The following TIGAR variants were observed in gnomAD, a reference collection of about 807,000 sequenced individuals.
The protein encoded by TIGAR is fructose-2,6-bisphosphatase TIGAR.
TIGAR carries 7 observed loss-of-function variants against 17.9 expected under a neutral mutation model. The observed-to-expected ratio is 0.39, with a 90% CI of 0.22 to 0.73. TIGAR has a LOEUF of 0.73. Among genes scored for constraint, TIGAR ranks in the 30% least tolerant of loss-of-function variants. The pLI is 0.42. For synonymous variants in TIGAR, 94 were observed against 108.6 expected (o/e 0.87, Z 0.84); for missense variants, 258 against 327.4 (o/e 0.79, Z 1.64).
chr12:4,325,202 A>G (rs1362258871), intron 1 of TIGAR, among the ~76,000 whole-genome samples: 1 of 151,930 alleles, frequency 6.6e-6, no homozygotes, highest in East Asian at 1.9e-4. Context: ...TCGGCCTCCC[A>G]AAGTGTTGGG....
intron 2 of TIGAR, among the ~76,000 whole-genome samples, chr12:4,335,899 A>G (rs1294407134): frequency 6.6e-6 from 1 of 152,164 alleles, no homozygotes; most frequent in South Asian, 2.1e-4. Flanking sequence ...GCCCCCAGCA[A>G]TCCTGATTTT....
At chr12:4,330,876 T>A (rs910865780) in intron 1 of TIGAR, among the ~76,000 whole-genome samples, 4 of 152,210 alleles carry the variant, frequency 2.6e-5, no homozygotes, top group Middle Eastern at 3.2e-3. Flanking sequence ...TCTCTTTCAC[T>A]TGCTCATTCA....
Position 4,321,324 on chromosome 12 carries a change from ATG to A in TIGAR, c.32+23_32+24del. On this transcript the variant is annotated intron_variant, in intron 1 of 5. Coordinates refer to ENST00000179259, the MANE Select transcript of TIGAR (RefSeq NM_020375.3). The surrounding 1 kb of genome is among the most constrained non-coding windows in gnomAD (Gnocchi z 5.2). ...CGGCAGTGAGTATGGCTGTGGCAGG[ATG>A]TCTTTCTCTCTCTCTTCCTTGAGTG... 1 of 1,600,370 alleles carries A rather than the reference ATG, an allele frequency of 6.2e-7. No individual in the cohort carries two copies. The highest frequency in any genetic ancestry group is 8.5e-7 in the Non-Finnish European group (1 of 1,179,632).
intron 3 of TIGAR, among the ~76,000 whole-genome samples, chr12:4,337,900 G>A (rs7975635): frequency 0.013 from 1,987 of 152,314 alleles, 20 homozygotes; most frequent in Admixed American, 0.023. Flanking sequence ...GGAGGCCGAG[G>A]CAGGTGGATC....
Position 4,352,771 on chromosome 12 carries a change from T to C in TIGAR, c.*80T>C. On this transcript the variant is annotated 3_prime_UTR_variant, in exon 6 of 6. Coordinates refer to ENST00000179259, the MANE Select transcript of TIGAR (RefSeq NM_020375.3). ...GGCTTTATTTACTTCTCTCCTCTGC[T>C]AGTTCTGATTTGGAAACAGTTAAAA... 2 of 1,403,124 alleles carry C rather than the reference T, an allele frequency of 1.4e-6. No homozygotes were observed. Among genetic ancestry groups the C allele is most frequent in the Non-Finnish European group, 9.5e-7 (1 of 1,050,578 alleles). 86.9% of individuals were successfully genotyped at this position (1,403,124 alleles called of 1,614,324 possible). A position where few individuals can be genotyped will look rare whatever the true frequency, so the allele number is the denominator to read the frequency against.
At position 4,357,793 on chromosome 12, in the gene TIGAR, T is replaced by G. The variant is rs1435325362; in HGVS notation, c.*5102T>G. ...TTCAGGTTCAAGGCCTGGTTCTTAG[T>G]AATTTTGTGACCAAGCAATCGCTGA... is the stretch of plus-strand genomic sequence containing the variant. On this transcript the variant is annotated 3_prime_UTR_variant, in exon 6 of 6. Coordinates refer to ENST00000179259, the MANE Select transcript of TIGAR (RefSeq NM_020375.3). Among the ~76,000 whole-genome samples, 1 of 152,142 alleles carries G rather than the reference T, an allele frequency of 6.6e-6. No homozygotes were observed. Among genetic ancestry groups the G allele is most frequent in the Non-Finnish European group, 1.5e-5 (1 of 68,012 alleles).
At chr12:4,333,878 G>A (rs754854141) in intron 2 of TIGAR, among the ~76,000 whole-genome samples, 5 of 152,202 alleles carry the variant, frequency 3.3e-5, no homozygotes, top group Non-Finnish European at 5.9e-5. Flanking sequence ...GGGATTACAG[G>A]CGTGAGCCAC....
chr12:4,338,777 A>G (rs1864686891), intron 3 of TIGAR, among the ~76,000 whole-genome samples: 1 of 152,128 alleles, frequency 6.6e-6, no homozygotes, highest in African/African-American at 2.4e-5. Flanking sequence ...CAGGAGTTCA[A>G]GACCAGCCTG....
intron 2 of TIGAR, among the ~76,000 whole-genome samples, chr12:4,336,683 G>T: frequency 6.6e-6 from 1 of 152,164 alleles, no homozygotes; most frequent in South Asian, 2.1e-4. Flanking sequence ...AATAAAGAAG[G>T]AAAAAACTTT....
At chr12:4,345,704 G>T (rs1864771836) in intron 3 of TIGAR, among the ~76,000 whole-genome samples, 1 of 152,276 alleles carries the variant, frequency 6.6e-6, no homozygotes, top group East Asian at 1.9e-4. Flanking sequence ...CATGGGCAAG[G>T]ACTTCATGAC....
intron 3 of TIGAR, among the ~76,000 whole-genome samples, chr12:4,337,886 T>G (rs1163800308): frequency 6.6e-6 from 1 of 152,198 alleles, no homozygotes; most frequent in African/African-American, 2.4e-5. Flanking sequence ...ATCCCTGCAC[T>G]TTGGGAGGCC....
intron 1 of TIGAR, among the ~76,000 whole-genome samples, chr12:4,325,511 C>T (rs184271415): frequency 1.3e-5 from 2 of 151,952 alleles, no homozygotes; most frequent in East Asian, 1.9e-4. Context: ...GAGGCCGAGG[C>T]GGGTGGATCA....
rs1864473987 is a variant in TIGAR at position 4,321,287 on chromosome 12, C to G, written c.16C>G (p.Leu6Val). The G allele has an allele frequency of 5.0e-6, 8 of 1,601,406 alleles. No homozygotes were observed. Among genetic ancestry groups the G allele is most frequent in the Non-Finnish European group, 6.8e-6 (8 of 1,179,840 alleles). Residue 6 changes from leucine (L) to valine (V), a missense_variant, in exon 1 of 6, where the codon CTG (leucine) becomes GTG (valine). By Grantham distance (32) the Leu-to-Val change is conservative. Coordinates refer to ENST00000179259, the MANE Select transcript of TIGAR (RefSeq NM_020375.3). The surrounding 1 kb of genome is among the most constrained non-coding windows in gnomAD (Gnocchi z 5.2). MARFA[L>V]TVVRHGETRF... is the part of the protein sequence containing the mutation. ...CTCCGGGAACATGGCTCGCTTCGCT[C>G]TGACTGTTGTCCGGCAGTGAGTATG...
rs1268356140 is a variant in TIGAR at position 4,355,470 on chromosome 12, C to T, written c.*2779C>T. Among the ~76,000 whole-genome samples, 1 of 152,082 alleles carries T rather than the reference C, an allele frequency of 6.6e-6. No individual in the cohort carries two copies. The highest frequency in any genetic ancestry group is 1.9e-4 in the East Asian group (1 of 5,192). On this transcript the variant is annotated 3_prime_UTR_variant, in exon 6 of 6. Transcript: ENST00000179259. ...TCCTCTTGTTCATTTTTAAAGTTGT[C>T]TTAACTATTTATGCACTTTTATTCT... is the stretch of plus-strand genomic sequence containing the variant.
intron 1 of TIGAR, chr12:4,324,777 C>T: frequency 3.0e-6 from 2 of 660,532 alleles, no homozygotes; most frequent in South Asian, 3.3e-5. Flanking sequence ...GGTGAGTTTG[C>T]GGAAGGTCCG....
rs114163269 is a variant in TIGAR at position 4,327,145 on chromosome 12, G to A, written c.33-4135G>A. Among the ~76,000 whole-genome samples the A allele has an allele frequency of 9.4e-3, 1,426 of 152,164 alleles. 19 individuals carry two copies. The highest frequency in any genetic ancestry group is 0.032 in the African/African-American group (1,317 of 41,530). ...GTGACATGGCCAGGCGCAGTAGCTC[G>A]CACCTATAATCCCAGCACTTTGGGA... On this transcript the variant is annotated intron_variant, in intron 1 of 5. Coordinates refer to ENST00000179259, the MANE Select transcript of TIGAR (RefSeq NM_020375.3).
intron 1 of TIGAR, among the ~76,000 whole-genome samples, chr12:4,323,277 A>G (rs1426964249): frequency 6.6e-6 from 1 of 152,108 alleles, no homozygotes; most frequent in Non-Finnish European, 1.5e-5. Context: ...CCTGTCTCAA[A>G]AAGAAAAAAA....
At chr12:4,322,009 T>TA (rs57595655) in intron 1 of TIGAR, among the ~76,000 whole-genome samples, 2 of 151,664 alleles carry the variant, frequency 1.3e-5, no homozygotes, top group African/African-American at 4.8e-5. Flanking sequence ...TTTTTTTTTT[T>TA]TTGTGAGATG....
chr12:4,356,563 G>A lies in TIGAR; in HGVS notation c.*3872G>A, dbSNP rs114836183. ...CCAGTGCATCTGTTACCATCGGTGA[G>A]CCCACATTACACTGACATATCCACA... On this transcript the variant is annotated 3_prime_UTR_variant, in exon 6 of 6. Transcript: ENST00000179259. Among the ~76,000 whole-genome samples the A allele has an allele frequency of 4.6e-3, 706 of 152,158 alleles. 8 individuals carry two copies. Among genetic ancestry groups the A allele is most frequent in the African/African-American group, 0.015 (630 of 41,502 alleles).
Sources: gnomAD v4.1 joint callset for allele counts (sites outside exome capture counted in the v4.1 genomes callset) on GRCh38, gnomAD v4.1.1 for gene constraint, Gnocchi (gnomAD v3.1) non-coding constraint, MANE v1.5 for transcripts, NCBI Gene and HGNC (gene_info 2026-07-23, HGNC 2026-07-21) for gene names.